The following IFT20 variants were observed in gnomAD, a reference collection of about 807,000 sequenced individuals.
IFT20 encodes the protein intraflagellar transport protein 20 homolog.
A neutral mutation model predicts 16.9 loss-of-function variants in IFT20; 4 were observed. The ratio of observed to expected loss-of-function variants is 0.24; its 90% CI spans 0.12 to 0.54. IFT20 has a LOEUF of 0.54. Among genes scored for constraint, IFT20 ranks in the 20% least tolerant of loss-of-function variants. The probability of loss-of-function intolerance (pLI) is 0.95; values close to 1 mark genes in which losing one functional copy is unlikely to be tolerated. For missense variants in IFT20, 154 were observed against 149.7 expected (o/e 1.03, Z -0.15); for synonymous variants, 48 against 49.9 (o/e 0.96, Z 0.16).
intron 1 of IFT20, among the ~76,000 whole-genome samples, chr17:28,334,028 G>A (rs1223110636): frequency 2.0e-5 from 3 of 152,308 alleles, no homozygotes; most frequent in African/African-American, 7.2e-5. Context: ...GCAAATATCT[G>A]CTTCAACTTC....
At chr17:28,330,595 A>G (rs1486437694) in intron 2 of IFT20, 67 bp from the exon 3 acceptor site, 4 of 1,100,532 alleles carry the variant, frequency 3.6e-6, no homozygotes, top group Non-Finnish European at 5.6e-6. Flanking sequence ...GTAGAGTGCT[A>G]AGGCAGTGAG....
chr17:28,328,595 G>A lies in IFT20; in HGVS notation c.*57C>T, dbSNP rs566411616. On this transcript the variant is annotated 3_prime_UTR_variant, in exon 5 of 5. Coordinates refer to ENST00000395418, the MANE Select transcript of IFT20 (RefSeq NM_001267776.2). ...GCTGGAATGCTACAGAGGTTTTTTTGGTTTTGAGAGGCTTTTTTTTGTTTT... is the reference window on the plus strand; with the variant it reads ...GCTGGAATGCTACAGAGGTTTTTTTAGTTTTGAGAGGCTTTTTTTTGTTTT... The A allele has an allele frequency of 1.8e-6, 2 of 1,131,290 alleles. No homozygotes were observed. Among genetic ancestry groups the A allele is most frequent in the South Asian group, 1.4e-5 (1 of 72,640 alleles). The allele number at this position is 1,131,290 out of a possible 1,614,324, so 70.1% of individuals were successfully genotyped here.
At chr17:28,329,841 A>T (rs1356241323) in intron 3 of IFT20, 1 of 218,066 alleles carries the variant, frequency 4.6e-6, no homozygotes, top group Non-Finnish European at 8.9e-6. Context: ...CGGGCGGATC[A>T]CCTAAGGTTG....
chr17:28,335,296 T>G (rs1907074808), intron 1 of IFT20, 44 bp downstream of exon 1: 1 of 152,042 alleles, frequency 6.6e-6, no homozygotes, highest in Admixed American at 6.5e-5. Flanking sequence ...CAGGCTCCTC[T>G]CGCCCCTGGT....
chr17:28,330,979 C>G (rs1305701598), intron 2 of IFT20, among the ~76,000 whole-genome samples: 1 of 152,190 alleles, frequency 6.6e-6, no homozygotes, highest in African/African-American at 2.4e-5. Context: ...TCCAGACAGA[C>G]CCCAACCCTG....
Position 28,328,671 on chromosome 17 carries a change from T to C in IFT20, c.380A>G (p.Gln127Arg). 6.2e-7 allele frequency: 1 copy of C among 1,604,156 alleles called. No homozygotes were observed. Residue 127 changes from glutamine (Q) to arginine (R), a missense_variant, in exon 5 of 5, where the codon CAA (glutamine) becomes CGA (arginine). By Grantham distance (43) the Gln-to-Arg change is conservative. Transcript: ENST00000395418. The part of the protein sequence containing the change: ...VEAEQNEFID[Q>R]FIFQK ...TTCAGTTCATTTCTGAAAAATAAAT[T>C]GGTCAATAAATTCATTTTGTTCTGC...
At chr17:28,333,529 T>C (rs550842192) in intron 1 of IFT20, among the ~76,000 whole-genome samples, 5 of 152,266 alleles carry the variant, frequency 3.3e-5, no homozygotes, top group Non-Finnish European at 5.9e-5. Context: ...ATGAGCTGTC[T>C]GTAGACGACT....
In IFT20 at chr17:28,329,208, T is replaced by C. The variant is rs371802653; in HGVS notation, c.282A>G (p.Gln94=). 3 of 1,614,188 alleles carry C rather than the reference T, an allele frequency of 1.9e-6. No homozygotes were observed. Among genetic ancestry groups the C allele is most frequent in the Non-Finnish European group, 2.5e-6 (3 of 1,180,026 alleles). Residue 94 remains glutamine (Q), a synonymous_variant, in exon 4 of 5, where the codon CAA becomes CAG. Coordinates refer to ENST00000395418, the MANE Select transcript of IFT20 (RefSeq NM_001267776.2). Reference sequence around the variant, plus strand: ...GCATTTTCTTTTCTGCTATTAGGGCTTGAAGTTGCTGCTGTTGAGCTTCTC... The same window carrying C: ...GCATTTTCTTTTCTGCTATTAGGGCCTGAAGTTGCTGCTGTTGAGCTTCTC... The part of the protein sequence containing the change: ...KQREAQQQQL[Q]ALIAEKKMQL...
Position 28,330,493 on chromosome 17 carries a change from T to G in IFT20, c.163A>C (p.Ile55Leu). The G allele has an allele frequency of 6.2e-7, 1 of 1,613,824 alleles. No homozygotes were observed. The highest frequency in any genetic ancestry group is 8.5e-7 in the Non-Finnish European group (1 of 1,179,714). The change falls in exon 3 of 5, where the codon ATT (isoleucine) becomes CTT (leucine). Residue 55 changes from isoleucine (I) to leucine (L), a missense_variant. By Grantham distance (5) the Ile-to-Leu change is conservative. Coordinates refer to ENST00000395418, the MANE Select transcript of IFT20 (RefSeq NM_001267776.2). Reference protein sequence around the residue: ...GQFQKIVGGLIELVDQLAKEA... With the variant: ...GQFQKIVGGLLELVDQLAKEA... ...TTTGCAAGTTGATCAACAAGCTCAATTAAACCACCAACTATTTTCTGAAAC... is the reference window on the plus strand; with the variant it reads ...TTTGCAAGTTGATCAACAAGCTCAAGTAAACCACCAACTATTTTCTGAAAC...
At chr17:28,332,352 C>T (rs552454713) in intron 1 of IFT20, 2 of 712,254 alleles carry the variant, frequency 2.8e-6, no homozygotes, top group South Asian at 1.8e-5. Flanking sequence ...GAATGCAACA[C>T]GGTGCCCGCC....
Position 28,328,462 on chromosome 17 carries a change from C to G in IFT20, c.*190G>C. The G allele has an allele frequency of 1.7e-6, 1 of 581,716 alleles. No homozygotes were observed. The highest frequency in any genetic ancestry group is 3.0e-6 in the Non-Finnish European group (1 of 327,988). 36.0% of individuals were successfully genotyped at this position (581,716 alleles called of 1,614,324 possible). A position where few individuals can be genotyped will look rare whatever the true frequency, so the allele number is the denominator to read the frequency against. On this transcript the variant is annotated 3_prime_UTR_variant, in exon 5 of 5. Transcript: ENST00000395418. ...ACGTACACTGCAGGGCCACCAGCAG[C>G]AGCTGTGCACTGATGTTAAAACTGG...
intron 2 of IFT20, chr17:28,331,482 C>T: frequency 5.1e-6 from 1 of 194,818 alleles, no homozygotes; most frequent in South Asian, 1.0e-4. Context: ...CTTCTAACTC[C>T]AAATAACAGA....
chr17:28,330,392 G>A, intron 3 of IFT20, 51 bp downstream of exon 3: 1 of 1,256,134 alleles, frequency 8.0e-7, no homozygotes, highest in Non-Finnish European at 1.2e-6. Flanking sequence ...TGAGAGGGTA[G>A]TGAACTAGGG....
At chr17:28,330,397 C>G (rs782458530) in intron 3 of IFT20, 46 bp downstream of exon 3, 1 of 1,349,182 alleles carries the variant, frequency 7.4e-7, no homozygotes, top group South Asian at 1.2e-5. Context: ...GGGTAGTGAA[C>G]TAGGGTCCCA....
chr17:28,333,448 T>G (rs1182417413), intron 1 of IFT20, among the ~76,000 whole-genome samples: 4 of 152,212 alleles, frequency 2.6e-5, no homozygotes, highest in African/African-American at 4.8e-5. Context: ...AATGTTGGTA[T>G]GTAATCCAAA....
intron 1 of IFT20, among the ~76,000 whole-genome samples, chr17:28,334,240 G>A (rs1243832196): frequency 1.3e-5 from 2 of 152,194 alleles, no homozygotes; most frequent in Admixed American, 6.5e-5. Context: ...TTGGAGGGGA[G>A]GGCCAACAGA....
At chr17:28,330,379 G>C (rs1906686795) in intron 3 of IFT20, 64 bp downstream of exon 3, 1 of 1,077,670 alleles carries the variant, frequency 9.3e-7, no homozygotes, top group South Asian at 1.2e-5. Flanking sequence ...GAGGGAAGAG[G>C]GATGAGAGGG....
chr17:28,331,927 C>T lies in IFT20; in HGVS notation c.59G>A (p.Arg20Lys), dbSNP rs782437044. The T allele has an allele frequency of 6.2e-7, 1 of 1,614,250 alleles. No individual in the cohort carries two copies. Among genetic ancestry groups the T allele is most frequent in the Non-Finnish European group, 8.5e-7 (1 of 1,180,044 alleles). ...GLHFDELNKL[R>K]VLDPEVTQQT... The stretch of plus-strand genomic sequence containing the variant: ...CTGGGTAACCTCTGGGTCCAACACC[C>T]TCAGCTTGTTCAGTTCATCAAAGTG... Residue 20 changes from arginine to lysine, a missense_variant, in exon 2 of 5, where the codon AGG becomes AAG. Arg to Lys is a conservative substitution (Grantham distance 26). Coordinates refer to ENST00000395418, the MANE Select transcript of IFT20 (RefSeq NM_001267776.2).
Position 28,328,645 on chromosome 17 carries a change from T to A in IFT20, c.*7A>T. On this transcript the variant is annotated 3_prime_UTR_variant, in exon 5 of 5. Coordinates refer to ENST00000395418, the MANE Select transcript of IFT20 (RefSeq NM_001267776.2). Reference sequence around the variant, plus strand: ...TGCCTTCCTACTATAAAAGCGAAATTTTCAGTTCATTTCTGAAAAATAAAT... The same window carrying A: ...TGCCTTCCTACTATAAAAGCGAAATATTCAGTTCATTTCTGAAAAATAAAT... The A allele has an allele frequency of 6.3e-7, 1 of 1,588,418 alleles. No homozygotes were observed. Among genetic ancestry groups the A allele is most frequent in the South Asian group, 1.1e-5 (1 of 87,030 alleles).
Sources: gnomAD v4.1 joint callset for allele counts (sites outside exome capture counted in the v4.1 genomes callset) on GRCh38, gnomAD v4.1.1 for gene constraint, MANE v1.5 for transcripts, NCBI Gene and HGNC (gene_info 2026-07-23, HGNC 2026-07-21) for gene names.